The following IFT57 variants were observed in gnomAD, a reference collection of about 807,000 sequenced individuals.
The protein encoded by IFT57 is intraflagellar transport 57, also known as intraflagellar transport protein 57 homolog.
IFT57 carries 59 observed loss-of-function variants against 56.8 expected under a neutral mutation model. That is an observed-to-expected ratio of 1.04 (90% CI 0.84 to 1.29). The LOEUF (loss-of-function observed/expected upper bound fraction) is 1.29, where lower values mean the gene tolerates loss of function less well. Ranked by LOEUF, IFT57 falls within the 50% of genes most tolerant of loss-of-function variation. The pLI is 0.00. For missense variants in IFT57, 470 were observed against 522.1 expected, an observed-to-expected ratio of 0.90 and a Z score of 0.97; for synonymous variants, 209 against 186.1, an observed-to-expected ratio of 1.12 and a Z score of -1.00.
intron 6 of IFT57, among the ~76,000 whole-genome samples, chr3:108,174,992 T>C (rs1427466737): frequency 6.6e-6 from 1 of 151,866 alleles, no homozygotes; most frequent in East Asian, 1.9e-4. Flanking sequence ...AAGAATCAGA[T>C]AGGCTAATTG....
intron 5 of IFT57, among the ~76,000 whole-genome samples, chr3:108,198,023 C>T (rs1043647302): frequency 2.6e-5 from 4 of 152,116 alleles, no homozygotes; most frequent in Admixed American, 6.6e-5. Flanking sequence ...ATGCCAAACA[C>T]GGTACTAGAT....
rs570405992 is a variant in IFT57 at position 108,220,273 on chromosome 3, A to T, written c.213-701T>A. On this transcript the variant is annotated intron_variant, in intron 1 of 10. Coordinates refer to ENST00000264538, the MANE Select transcript of IFT57 (RefSeq NM_018010.4). ...GTCTACTAAACACAGTTCTACGAGG[A>T]TCAGTATGATTTATACCTAAACATT... 1.6e-4 allele frequency among the ~76,000 whole-genome samples: 24 copies of T among 152,342 alleles called. 1 individual carries two copies. The South Asian group carries it at 1.7e-3, about 11-fold the overall frequency.
At chr3:108,180,870 T>C (rs889728094) in intron 6 of IFT57, among the ~76,000 whole-genome samples, 1 of 152,058 alleles carries the variant, frequency 6.6e-6, no homozygotes, top group African/African-American at 2.4e-5. Context: ...AATCATAAAA[T>C]ATTTAGGTAG....
intron 6 of IFT57, among the ~76,000 whole-genome samples, chr3:108,174,765 AT>A (rs1439625286): frequency 2.0e-5 from 3 of 151,850 alleles, no homozygotes; most frequent in Admixed American, 6.6e-5. Flanking sequence ...AGCCATGATA[AT>A]AATAAGCATG....
At position 108,166,332 on chromosome 3, in the gene IFT57, AT is replaced by A. The variant is rs376013482; in HGVS notation, c.981+521del. Reference sequence around the variant, plus strand: ...GGTGCTTTCAAAGTCTAGTGATTTTATTTTTTGGTTAAAATTCTAAAACTTT... The same window carrying A: ...GGTGCTTTCAAAGTCTAGTGATTTTATTTTTGGTTAAAATTCTAAAACTTT... On this transcript the variant is annotated intron_variant, in intron 8 of 10. Transcript: ENST00000264538. Among the ~76,000 whole-genome samples, 29 of 152,192 alleles carry A rather than the reference AT, an allele frequency of 1.9e-4. No individual in the cohort carries two copies. In the East Asian group the frequency reaches 5.2e-3, roughly 27 times the overall value.
rs79137264 is a variant in IFT57 at position 108,171,685 on chromosome 3, C to G, written c.778-3821G>C. Among the ~76,000 whole-genome samples the G allele has an allele frequency of 8.9e-3, 1,351 of 151,922 alleles. 21 individuals are homozygous for G. Among genetic ancestry groups the G allele is most frequent in the African/African-American group, 0.031 (1,287 of 41,484 alleles). ...AGAGGAGGGACAACTGGCTGGCCTT[C>G]TGCACCTGGACCAAATATGGTTGAG... On this transcript the variant is annotated intron_variant, in intron 6 of 10. Coordinates refer to ENST00000264538, the MANE Select transcript of IFT57 (RefSeq NM_018010.4).
chr3:108,163,847 A>G, intron 9 of IFT57, 118 bp from the exon 10 acceptor site: 1 of 640,536 alleles, frequency 1.6e-6, no homozygotes. Context: ...AAATAAAGAT[A>G]TTAGGAATAT....
At chr3:108,174,632 T>A (rs1282927523) in intron 6 of IFT57, among the ~76,000 whole-genome samples, 1 of 151,864 alleles carries the variant, frequency 6.6e-6, no homozygotes, top group African/African-American at 2.4e-5. Flanking sequence ...CCTGCTTCAT[T>A]GATGCTGACC....
Position 108,167,775 on chromosome 3 carries a change from G to C in IFT57, c.849+18C>G. On this transcript the variant is annotated intron_variant, in intron 7 of 10. Transcript: ENST00000264538. Reference sequence around the variant, plus strand: ...GATGAGTAAATGTACATTGATTCACGTAAAGTAATTCATATACCTTGGTCT... The same window carrying C: ...GATGAGTAAATGTACATTGATTCACCTAAAGTAATTCATATACCTTGGTCT... The C allele has an allele frequency of 6.7e-7, 1 of 1,485,972 alleles. No homozygotes were observed. 92.0% of individuals were successfully genotyped at this position (1,485,972 alleles called of 1,614,324 possible). A position where few individuals can be genotyped will look rare whatever the true frequency, so the allele number is the denominator to read the frequency against.
intron 5 of IFT57, among the ~76,000 whole-genome samples, chr3:108,193,653 G>A (rs1296487900): frequency 6.6e-6 from 1 of 152,134 alleles, no homozygotes; most frequent in African/African-American, 2.4e-5. Context: ...TAGCCCAAGA[G>A]TATCATAGCT....
chr3:108,167,563 TTATACATATATATCTTATATA>T (rs1168275273), intron 7 of IFT57, among the ~76,000 whole-genome samples: 4 of 149,286 alleles, frequency 2.7e-5, no homozygotes, highest in Non-Finnish European at 5.9e-5. Context: ...TATCTATATA[TTATACATATATATCTTATATA>T]TATACATATA....
intron 4 of IFT57, among the ~76,000 whole-genome samples, chr3:108,209,382 C>T (rs1194134242): frequency 2.0e-5 from 3 of 152,278 alleles, no homozygotes; most frequent in Non-Finnish European, 2.9e-5. Flanking sequence ...AGAGCAGTTA[C>T]ATTCTATTAG....
chr3:108,166,779 T>C (rs2080065674), intron 8 of IFT57, 75 bp downstream of exon 8: 3 of 1,202,864 alleles, frequency 2.5e-6, no homozygotes, highest in Non-Finnish European at 3.4e-6. Flanking sequence ...GATTCTCAAA[T>C]GAACAGTATT....
chr3:108,199,508 A>C (rs1362056460), intron 5 of IFT57, among the ~76,000 whole-genome samples: 1 of 152,234 alleles, frequency 6.6e-6, no homozygotes, highest in Non-Finnish European at 1.5e-5. Flanking sequence ...GGGCTTAAAA[A>C]GGTGAATACT....
At position 108,162,602 on chromosome 3, in the gene IFT57, C is replaced by A; in HGVS notation, c.1165G>T (p.Glu389Ter). ...SLTKLKQETV[E>*]MDIRIGIVEH... ...ACAATGCCAATTCTAATGTCCATCT[C>A]TACAGTTTCTTGCTTCAGTTTTGTT... The change falls in exon 11 of 11, where the codon GAG (glutamate) becomes TAG (stop). Residue 389 changes from glutamate (E) to a stop codon, truncating the protein, a stop_gained. Transcript: ENST00000264538. LOFTEE classifies it high-confidence loss of function. 6.2e-7 allele frequency: 1 copy of A among 1,612,274 alleles called. No individual in the cohort carries two copies. Among genetic ancestry groups the A allele is most frequent in the Admixed American group, 1.7e-5 (1 of 59,860 alleles).
Position 108,172,114 on chromosome 3 carries a change from G to T in IFT57, c.778-4250C>A, listed in dbSNP as rs192363031. Among the ~76,000 whole-genome samples, 3 of 151,940 alleles carry T rather than the reference G, an allele frequency of 2.0e-5. No homozygotes were observed. The East Asian group carries it at 5.8e-4, about 29-fold the overall frequency. On this transcript the variant is annotated intron_variant, in intron 6 of 10. Transcript: ENST00000264538. ...AAGCAACCATGCCTGACTCATTTAG[G>T]TATAACTACGATAGTGTACACTGAT...
In IFT57 at chr3:108,213,926, C is replaced by T. The variant is rs759634208; in HGVS notation, c.585+5G>A. On this transcript the variant is annotated splice_donor_5th_base_variant and intron_variant, in intron 4 of 10. Coordinates refer to ENST00000264538, the MANE Select transcript of IFT57 (RefSeq NM_018010.4). ...AATGAACAGAAAGTTCAGCTACACA[C>T]ATACCACAAATTCTTCATCCACTTT... is the stretch of plus-strand genomic sequence containing the variant. 1 of 1,573,926 alleles carries T rather than the reference C, an allele frequency of 6.4e-7. No individual in the cohort carries two copies. Among genetic ancestry groups the T allele is most frequent in the Non-Finnish European group, 8.7e-7 (1 of 1,144,088 alleles).
chr3:108,179,056 C>A (rs1461897789), intron 6 of IFT57, among the ~76,000 whole-genome samples: 1 of 151,854 alleles, frequency 6.6e-6, no homozygotes, highest in Non-Finnish European at 1.5e-5. Context: ...AAGGATGAGA[C>A]CTTGAGTTAG....
chr3:108,174,000 G>A (rs868478778), intron 6 of IFT57, among the ~76,000 whole-genome samples: 10,549 of 128,260 alleles, frequency 0.082, 687 homozygotes, highest in African/African-American at 0.13. Context: ...ATATTTGAGT[G>A]TGTGTGTGTG....
Sources: gnomAD v4.1 joint callset for allele counts (sites outside exome capture counted in the v4.1 genomes callset) on GRCh38, gnomAD v4.1.1 for gene constraint, MANE v1.5 for transcripts, NCBI Gene and HGNC (gene_info 2026-07-23, HGNC 2026-07-21) for gene names.